NEB: variants seen among roughly 807,000 people sequenced by gnomAD.
NEB encodes nemaline myopathy type 2.
In NEB, 512 loss-of-function variants were observed where a neutral mutation model predicts 952.2. That is an observed-to-expected ratio of 0.54 (90% CI 0.50 to 0.58). The LOEUF (loss-of-function observed/expected upper bound fraction) is 0.58. Ranked by LOEUF, NEB falls within the 20% of genes least tolerant of loss-of-function variation. The probability of loss-of-function intolerance (pLI) is 0.00; values close to 1 mark genes in which losing one functional copy is unlikely to be tolerated. For missense variants in NEB, 8,428 were observed against 9,231.1 expected (o/e 0.91, Z 3.56); for synonymous variants, 2,900 against 3,149.8 (o/e 0.92, Z 2.66).
rs374520321 is a variant in NEB at position 151,547,410 on chromosome 2, A to T, written c.20367+19T>A. The T allele has an allele frequency of 1.0e-5, 16 of 1,553,130 alleles. No individual in the cohort carries two copies. The African/African-American group carries it at 2.2e-4, about 21-fold the overall frequency. ...GTCTTGGTAAGACTACTCCAGAAAG[A>T]CCCCTACGAGATGCTTACATCACTG... On this transcript the variant is annotated intron_variant, in intron 133 of 181. Coordinates refer to ENST00000397345, the MANE Select transcript of NEB (RefSeq NM_001164508.2).
rs1410028199 is a variant in NEB, at chr2:151,572,473, A to ATATATATATTGAATATT, written c.17014-1889_17014-1873dup. Among the ~76,000 whole-genome samples the ATATATATATTGAATATT allele has an allele frequency of 4.1e-3, 599 of 147,302 alleles. 9 individuals carry two copies. The East Asian group carries it at 0.045, about 11-fold the overall frequency. On this transcript the variant is annotated intron_variant, in intron 107 of 181. Transcript: ENST00000397345. ...TATGTAATGCTTTTTATGAGATTGA[A>ATATATATATTGAATATT]TATATATATTGAATATTTATATATA...
At chr2:151,611,875 T>C (rs1453625681) in intron 78 of NEB, among the ~76,000 whole-genome samples, 1 of 152,224 alleles carries the variant, frequency 6.6e-6, no homozygotes, top group Non-Finnish European at 1.5e-5. Context: ...GGCCTGAATC[T>C]GCTCTGCCTA....
Position 151,508,066 on chromosome 2 carries a change from T to C in NEB, c.23390A>G (p.Glu7797Gly). The C allele has an allele frequency of 4.3e-6, 7 of 1,611,068 alleles. No homozygotes were observed. The East Asian group carries it at 1.6e-4, about 36-fold the overall frequency. Residue 7797 changes from glutamate to glycine, a missense_variant, in exon 162 of 182, where the codon GAG becomes GGG. Coordinates refer to ENST00000397345, the MANE Select transcript of NEB (RefSeq NM_001164508.2). Reference sequence around the variant, plus strand: ...TATCTCTGGGGTGTCCAAAACAGTCTCATAATACGACATGGACTTCTCAGC... The same window carrying C: ...TATCTCTGGGGTGTCCAAAACAGTCCCATAATACGACATGGACTTCTCAGC... The part of the protein sequence containing the change: ...EDAEKSMSYY[E>G]TVLDTPEIQR...
At chr2:151,653,075 T>C (rs1415215847) in intron 52 of NEB, among the ~76,000 whole-genome samples, 3 of 152,196 alleles carry the variant, frequency 2.0e-5, no homozygotes, top group Non-Finnish European at 2.9e-5. Context: ...CCTATATTCT[T>C]AGAATTTATT....
intron 78 of NEB, among the ~76,000 whole-genome samples, chr2:151,611,215 T>A (rs1431568832): frequency 6.6e-6 from 1 of 152,156 alleles, no homozygotes; most frequent in Non-Finnish European, 1.5e-5. Context: ...TCAGAGTCAA[T>A]CCCAAGTGCA....
At chr2:151,556,877 G>A (rs536747617) in intron 124 of NEB, among the ~76,000 whole-genome samples, 127 of 152,164 alleles carry the variant, frequency 8.3e-4, no homozygotes, top group Non-Finnish European at 1.4e-3. Flanking sequence ...GTGTGTAGAG[G>A]GAAATTTATA....
At chr2:151,515,581 T>C (rs1429728609) in intron 157 of NEB, among the ~76,000 whole-genome samples, 1 of 152,150 alleles carries the variant, frequency 6.6e-6, no homozygotes, top group Non-Finnish European at 1.5e-5. Context: ...TTGTATGGTT[T>C]TGTCCACTCT....
chr2:151,697,761 A>G, intron 13 of NEB, 113 bp from the exon 14 acceptor site: 2 of 753,452 alleles, frequency 2.7e-6, no homozygotes, highest in Non-Finnish European at 4.2e-6. Context: ...TCGCCTGTCA[A>G]CTGTCTTAAA....
At chr2:151,551,957 T>C in intron 128 of NEB, 112 bp from the exon 129 acceptor site, 1 of 696,170 alleles carries the variant, frequency 1.4e-6, no homozygotes, top group Non-Finnish European at 2.4e-6. Flanking sequence ...ATCTGACACA[T>C]TACTGTGGCT....
At chr2:151,662,463 A>G (rs1233194781) in intron 45 of NEB, 122 bp from the exon 46 acceptor site, 3 of 829,158 alleles carry the variant, frequency 3.6e-6, no homozygotes, top group Non-Finnish European at 5.3e-6. Context: ...TTTCCACTTC[A>G]ATATTTGCTT....
chr2:151,513,564 G>T lies in NEB; in HGVS notation c.23241+16C>A. 6.4e-7 allele frequency: 1 copy of T among 1,558,130 alleles called. No homozygotes were observed. The highest frequency in any genetic ancestry group is 8.8e-7 in the Non-Finnish European group (1 of 1,139,018). On this transcript the variant is annotated intron_variant, in intron 160 of 181. Coordinates refer to ENST00000397345, the MANE Select transcript of NEB (RefSeq NM_001164508.2). Reference sequence around the variant, plus strand: ...ACTACTTTCCTGAAAGATTGACATCGAATAGTAGCACTGACCTGACTGGCA... The same window carrying T: ...ACTACTTTCCTGAAAGATTGACATCTAATAGTAGCACTGACCTGACTGGCA...
rs758105619 is a variant in NEB at position 151,499,360 on chromosome 2, TC to T, written c.24051del (p.Ile8018PhefsTer127). 4.5e-6 allele frequency: 7 copies of T among 1,546,420 alleles called. No homozygotes were observed. The highest frequency in any genetic ancestry group is 6.1e-6 in the Non-Finnish European group (7 of 1,143,596). On this transcript the variant is annotated frameshift_variant, in exon 169 of 182. Coordinates refer to ENST00000397345, the MANE Select transcript of NEB (RefSeq NM_001164508.2). LOFTEE classifies it high-confidence loss of function. ...ATCTCTGGAGTGATGGGGATTGGAA[TC>T]CCTTTTCCAACGTTTTCTTTATACA... ...SVLYKENVGK[G>X]IPIPITPEME...
intron 153 of NEB, chr2:151,520,005 G>T: frequency 1.7e-5 from 5 of 288,482 alleles, no homozygotes; most frequent in East Asian, 5.7e-5. Context: ...TTATTCCAAG[G>T]TATAAAAAGT....
chr2:151,628,001 C>T (rs1207903842), intron 68 of NEB, among the ~76,000 whole-genome samples, 167 bp from the exon 69 acceptor site: 1 of 152,130 alleles, frequency 6.6e-6, no homozygotes, highest in Non-Finnish European at 1.5e-5. Context: ...CTCTACAGCA[C>T]TAATCTAATG....
chr2:151,684,526 A>G (rs975007739), intron 28 of NEB, among the ~76,000 whole-genome samples: 1 of 152,126 alleles, frequency 6.6e-6, no homozygotes, highest in African/African-American at 2.4e-5. Flanking sequence ...ATTTATTTCC[A>G]TTTTACAGAG....
Position 151,696,620 on chromosome 2 carries a change from T to C in NEB, c.1569+17A>G. 6.3e-7 allele frequency: 1 copy of C among 1,580,894 alleles called. No individual in the cohort carries two copies. On this transcript the variant is annotated intron_variant, in intron 17 of 181. Transcript: ENST00000397345. Reference sequence around the variant, plus strand: ...ATCCCTCATAATTGGGTGTCCTGAGTAGTTAGAGGAACTTACGTCACTCAG... The same window carrying C: ...ATCCCTCATAATTGGGTGTCCTGAGCAGTTAGAGGAACTTACGTCACTCAG...
At chr2:151,681,154 A>G (rs1284110778) in intron 29 of NEB, among the ~76,000 whole-genome samples, 1 of 152,212 alleles carries the variant, frequency 6.6e-6, no homozygotes, top group Non-Finnish European at 1.5e-5. Context: ...AGAGTTTTCT[A>G]AAGGTTTAAC....
intron 12 of NEB, among the ~76,000 whole-genome samples, chr2:151,707,728 C>T (rs1428720165): frequency 6.6e-6 from 1 of 152,118 alleles, no homozygotes; most frequent in East Asian, 1.9e-4. Context: ...CCAGTGTAAG[C>T]CCTTTATTCA....
intron 135 of NEB, among the ~76,000 whole-genome samples, chr2:151,543,111 G>A (rs370696317): frequency 4.2e-4 from 64 of 152,214 alleles, no homozygotes; most frequent in Middle Eastern, 3.4e-3. Flanking sequence ...TTTCTTCTCC[G>A]AGACTAGGGC....
Sources: gnomAD v4.1 joint callset for allele counts (sites outside exome capture counted in the v4.1 genomes callset) on GRCh38, gnomAD v4.1.1 for gene constraint, MANE v1.5 for transcripts, NCBI Gene and HGNC (gene_info 2026-07-23, HGNC 2026-07-21) for gene names.